PTK2B: variants seen among roughly 807,000 people sequenced by gnomAD.
The protein encoded by PTK2B is protein tyrosine kinase 2 beta, also known as protein-tyrosine kinase 2-beta.
In PTK2B, 71 loss-of-function variants were observed where a neutral mutation model predicts 142.9. The ratio of observed to expected loss-of-function variants is 0.50; its 90% CI spans 0.41 to 0.61. The LOEUF is 0.61. PTK2B is among the 20% of genes least tolerant of loss of function. The pLI is 0.00. For missense variants in PTK2B, 1,105 were observed against 1,320.4 expected, an observed-to-expected ratio of 0.84 and a Z score of 2.53; for synonymous variants, 519 against 503.4, an observed-to-expected ratio of 1.03 and a Z score of -0.42.
At chr8:27,326,086 A>G (rs1803397077) in intron 1 of PTK2B, among the ~76,000 whole-genome samples, 1 of 152,044 alleles carries the variant, frequency 6.6e-6, no homozygotes, top group Non-Finnish European at 1.5e-5. Context: ...GCCCTTCCGC[A>G]GCCCCAGGGG....
At chr8:27,455,057 G>A (rs1235075476) in intron 30 of PTK2B, among the ~76,000 whole-genome samples, 1 of 152,120 alleles carries the variant, frequency 6.6e-6, no homozygotes, top group Admixed American at 6.5e-5. Context: ...TCCATGAGAT[G>A]GTTCCTGTAG....
intron 7 of PTK2B, 60 bp downstream of exon 7, chr8:27,430,478 G>A: frequency 2.5e-6 from 4 of 1,600,976 alleles, no homozygotes; most frequent in South Asian, 2.2e-5. Context: ...GAGTGTAAGG[G>A]ATGAGGCTGG....
At chr8:27,350,990 A>ATATATATATAT (rs1374905996) in intron 1 of PTK2B, among the ~76,000 whole-genome samples, 2 of 12,092 alleles carry the variant, frequency 1.7e-4, no homozygotes, top group African/African-American at 3.2e-4. Flanking sequence ...AAAAAAAAAA[A>ATATATATATAT]ATATATATAT....
In PTK2B at chr8:27,365,712, A is replaced by G. The variant is rs531871365; in HGVS notation, c.-37-31836A>G. The stretch of plus-strand genomic sequence containing the variant: ...ACCACTCATTAAAAATACCCCAAAG[A>G]TATTTATTATTTTAAGGTTATTATG... On this transcript the variant is annotated intron_variant, in intron 1 of 30. Coordinates refer to ENST00000346049, the MANE Select transcript of PTK2B (RefSeq NM_173176.3). Among the ~76,000 whole-genome samples the G allele has an allele frequency of 5.9e-5, 9 of 152,254 alleles. No individual in the cohort carries two copies. The South Asian group carries it at 8.3e-4, about 14-fold the overall frequency.
chr8:27,351,052 G>A (rs1805064621), intron 1 of PTK2B, among the ~76,000 whole-genome samples: 1 of 115,040 alleles, frequency 8.7e-6, no homozygotes, highest in Non-Finnish European at 1.7e-5. Context: ...CGTGCTTGGA[G>A]CAGGCACAGT....
chr8:27,439,417 G>C lies in PTK2B; in HGVS notation c.1834+19G>C, dbSNP rs1336171381. On this transcript the variant is annotated intron_variant, in intron 20 of 30. Transcript: ENST00000346049. ...ATGTTCGGTGAGTGCTGATTTGGGA[G>C]GGCATGAAAAGGTGTTCAGATTCTC... 2 of 1,605,878 alleles carry C rather than the reference G, an allele frequency of 1.2e-6. No individual in the cohort carries two copies. The highest frequency in any genetic ancestry group is 4.5e-5 in the East Asian group (2 of 44,816).
chr8:27,405,381 G>A (rs543063832), intron 2 of PTK2B, among the ~76,000 whole-genome samples: 1 of 152,282 alleles, frequency 6.6e-6, no homozygotes, highest in Admixed American at 6.5e-5. Flanking sequence ...CAAGGTCACA[G>A]TGCAAGAGGT....
At chr8:27,330,073 A>G (rs1234971416) in intron 1 of PTK2B, among the ~76,000 whole-genome samples, 1 of 152,106 alleles carries the variant, frequency 6.6e-6, no homozygotes, top group African/African-American at 2.4e-5. Context: ...GGTGGAAGAA[A>G]CAGGCCTTTG....
intron 1 of PTK2B, among the ~76,000 whole-genome samples, chr8:27,361,982 G>A (rs1374660601): frequency 1.3e-5 from 2 of 152,186 alleles, no homozygotes; most frequent in Non-Finnish European, 2.9e-5. Flanking sequence ...GTGTTCAAAG[G>A]TGATGCACCG....
upstream of PTK2B, chr8:27,311,316 A>C: frequency 7.1e-7 from 1 of 1,417,542 alleles, no homozygotes; most frequent in South Asian, 1.5e-5. Flanking sequence ...CCGCGACCCG[A>C]GTGCTGGGAA....
intron 1 of PTK2B, among the ~76,000 whole-genome samples, chr8:27,347,325 A>G (rs1441634618): frequency 6.6e-6 from 1 of 151,216 alleles, no homozygotes; most frequent in Non-Finnish European, 1.5e-5. Flanking sequence ...GGTTGCAGTG[A>G]GCCGAGATCC....
At chr8:27,411,838 A>G (rs956875134) in intron 2 of PTK2B, among the ~76,000 whole-genome samples, 2 of 152,130 alleles carry the variant, frequency 1.3e-5, no homozygotes, top group African/African-American at 2.4e-5. Flanking sequence ...CCCAATTGCA[A>G]GCTCCAGGAT....
At position 27,450,892 on chromosome 8, in the gene PTK2B, C is replaced by T; in HGVS notation, c.2484C>T (p.Ser828=). The change falls in exon 25 of 31, where the codon TCC becomes TCT. Residue 828 remains serine, a synonymous_variant. Transcript: ENST00000346049. The part of the protein sequence containing the change: ...DYQWLRQEEK[S]LDPMVYMNDK... ...AGTGGCTCAGGCAGGAGGAGAAGTC[C>T]CTGGTGAGCACCCCAGGAAGGATGT... 6.2e-7 allele frequency: 1 copy of T among 1,614,110 alleles called. No individual in the cohort carries two copies.
At chr8:27,424,107 A>G (rs1211009129) in intron 5 of PTK2B, among the ~76,000 whole-genome samples, 3 of 152,242 alleles carry the variant, frequency 2.0e-5, no homozygotes, top group African/African-American at 4.8e-5. Context: ...CCCCTCTAAA[A>G]TTAGACAAGT....
intron 20 of PTK2B, among the ~76,000 whole-genome samples, 165 bp downstream of exon 20, chr8:27,439,563 G>A (rs994935027): frequency 7.2e-5 from 11 of 152,210 alleles, no homozygotes; most frequent in East Asian, 1.9e-4. Context: ...AGGCCAGTAG[G>A]GGTAGGAAGG....
At position 27,345,271 on chromosome 8, in the gene PTK2B, A is replaced by T. The variant is rs533545690; in HGVS notation, c.-38+19590A>T. On this transcript the variant is annotated intron_variant, in intron 1 of 30. Transcript: ENST00000346049. ...CTTTTCCCAGAGCAATGAACAAATTATACCACCCCAGCTTCCTCGGGCCTC... is the reference window on the plus strand; with the variant it reads ...CTTTTCCCAGAGCAATGAACAAATTTTACCACCCCAGCTTCCTCGGGCCTC... 2.0e-5 allele frequency among the ~76,000 whole-genome samples: 3 copies of T among 152,340 alleles called. No homozygotes were observed. The South Asian group carries it at 6.2e-4, about 32-fold the overall frequency.
upstream of PTK2B, among the ~76,000 whole-genome samples, chr8:27,321,813 G>T (rs1563455987): frequency 1.3e-5 from 2 of 152,158 alleles, no homozygotes; most frequent in Non-Finnish European, 2.9e-5. Flanking sequence ...GGAAAGAAAA[G>T]AGAAAGTTCT....
At chr8:27,336,373 A>G (rs1327518314) in intron 1 of PTK2B, among the ~76,000 whole-genome samples, 1 of 152,136 alleles carries the variant, frequency 6.6e-6, no homozygotes, top group Non-Finnish European at 1.5e-5. Context: ...AATTCAGACA[A>G]ACTAGGCCAT....
At chr8:27,409,894 G>A (rs879701022) in intron 2 of PTK2B, among the ~76,000 whole-genome samples, 1 of 152,036 alleles carries the variant, frequency 6.6e-6, no homozygotes, top group African/African-American at 2.4e-5. Context: ...GCTAATTTTT[G>A]TATTTTTAGT....
Sources: allele counts gnomAD v4.1 joint callset (sites outside exome capture counted in the v4.1 genomes callset), GRCh38; gene constraint gnomAD v4.1.1; transcripts MANE v1.5; gene names NCBI Gene and HGNC (gene_info 2026-07-23, HGNC 2026-07-21).